IL12RB1: variants seen among roughly 807,000 people sequenced by gnomAD.
IL12RB1 encodes the protein interleukin-12 receptor subunit beta-1.
In IL12RB1, 64 loss-of-function variants were observed where a neutral mutation model predicts 94.4. The observed-to-expected ratio is 0.68, with a 90% CI of 0.55 to 0.83. The LOEUF (loss-of-function observed/expected upper bound fraction) is 0.83. IL12RB1 is among the 40% of genes least tolerant of loss of function. IL12RB1 has a pLI of 0.00. For missense variants in IL12RB1, 814 were observed against 855.6 expected (o/e 0.95, Z 0.61); for synonymous variants, 362 against 355.5 (o/e 1.02, Z -0.21).
intron 7 of IL12RB1, among the ~76,000 whole-genome samples, chr19:18,074,739 C>G (rs1470520838): frequency 6.6e-6 from 1 of 151,398 alleles, no homozygotes; most frequent in Non-Finnish European, 1.5e-5. Flanking sequence ...CAGAGCAAGA[C>G]AGTCTCAAAA....
At chr19:18,098,193 AAT>A (rs2037165262) in intron 1 of IL12RB1, among the ~76,000 whole-genome samples, 1 of 152,198 alleles carries the variant, frequency 6.6e-6, no homozygotes, top group Non-Finnish European at 1.5e-5. Flanking sequence ...GCGATGTATT[AAT>A]ATGAGTTCAT....
chr19:18,089,574 G>A (rs1011912444), upstream of IL12RB1, among the ~76,000 whole-genome samples: 2 of 149,630 alleles, frequency 1.3e-5, no homozygotes, highest in African/African-American at 2.5e-5. Context: ...GCAGTGAGCC[G>A]AGATCACACC....
chr19:18,097,958 C>A, intron 1 of IL12RB1: 1 of 724,220 alleles, frequency 1.4e-6, no homozygotes, highest in Non-Finnish European at 1.9e-6. Flanking sequence ...GGGGAACGCT[C>A]AGATCGCTTC....
intron 9 of IL12RB1, among the ~76,000 whole-genome samples, chr19:18,069,926 T>A (rs2034899461): frequency 1.3e-5 from 2 of 151,972 alleles, no homozygotes; most frequent in Admixed American, 6.6e-5. Context: ...TTTTTTGTTT[T>A]TTCTTTGGAG....
chr19:18,063,585 G>A (rs1485158002), intron 13 of IL12RB1, among the ~76,000 whole-genome samples: 2 of 152,158 alleles, frequency 1.3e-5, no homozygotes, highest in Non-Finnish European at 2.9e-5. Context: ...AAGTCTTGCT[G>A]GAGGAGGGAA....
chr19:18,098,850 A>G (rs2037275912), exon 1 of IL12RB1: 2 of 455,398 alleles, frequency 4.4e-6, no homozygotes, highest in East Asian at 7.0e-5. Context: ...AGAAACCCCA[A>G]CCTGTTGGGG....
intron 1 of IL12RB1, among the ~76,000 whole-genome samples, chr19:18,093,225 G>C (rs1330216914): frequency 6.6e-6 from 1 of 151,906 alleles, no homozygotes; most frequent in African/African-American, 2.4e-5. Flanking sequence ...AGAATTGCTT[G>C]AATCCAGGAG....
At chr19:18,068,802 G>A (rs2034794414) in intron 10 of IL12RB1, among the ~76,000 whole-genome samples, 1 of 148,608 alleles carries the variant, frequency 6.7e-6, no homozygotes, top group Admixed American at 6.8e-5. Flanking sequence ...AGGCTGGAGT[G>A]CAATAGCGCA....
At chr19:18,096,033 G>A (rs551102586) in intron 1 of IL12RB1, among the ~76,000 whole-genome samples, 23 of 152,186 alleles carry the variant, frequency 1.5e-4, no homozygotes, top group Non-Finnish European at 4.4e-5. Flanking sequence ...AGACCAGCGC[G>A]GGAAACATGG....
chr19:18,089,888 G>A (rs979485416), upstream of IL12RB1, among the ~76,000 whole-genome samples: 1 of 152,198 alleles, frequency 6.6e-6, no homozygotes, highest in South Asian at 2.1e-4. Flanking sequence ...TGAGGTCAGT[G>A]AGTTAGGGAC....
intron 1 of IL12RB1, among the ~76,000 whole-genome samples, chr19:18,098,325 C>A (rs1006087695): frequency 3.3e-5 from 5 of 151,962 alleles, no homozygotes; most frequent in African/African-American, 1.2e-4. Flanking sequence ...GAAACTGAGG[C>A]TCTAGTCCCG....
upstream of IL12RB1, among the ~76,000 whole-genome samples, chr19:18,089,277 G>A (rs1160100057): frequency 2.6e-5 from 4 of 152,030 alleles, no homozygotes; most frequent in Non-Finnish European, 4.4e-5. Flanking sequence ...AGATAGAGGT[G>A]GTGGTTGCAC....
rs148821398 is a variant in IL12RB1, at chr19:18,071,982, T to C, written c.1021+130A>G. ...GCCTGGCTGATTACTGAATTTTTGA[T>C]ACACCCCTAAATCAGGCACTCCTTT... On this transcript the variant is annotated intron_variant, in intron 9 of 16. Transcript: ENST00000593993. 86 of 704,698 alleles carry C rather than the reference T, an allele frequency of 1.2e-4. No individual in the cohort carries two copies. The East Asian group carries it at 2.2e-3, about 18-fold the overall frequency. 43.7% of individuals were successfully genotyped at this position (704,698 alleles called of 1,614,324 possible). A position where few individuals can be genotyped will look rare whatever the true frequency, so the allele number is the denominator to read the frequency against.
At chr19:18,085,994 T>A (rs2036304900) in intron 1 of IL12RB1, among the ~76,000 whole-genome samples, 2 of 151,498 alleles carry the variant, frequency 1.3e-5, no homozygotes, top group Admixed American at 6.6e-5. Context: ...GGTGAGTGGA[T>A]CATTTGAGCC....
At chr19:18,075,589 G>T (rs993895445) in intron 7 of IL12RB1, among the ~76,000 whole-genome samples, 160 bp downstream of exon 7, 4 of 151,958 alleles carry the variant, frequency 2.6e-5, no homozygotes, top group African/African-American at 9.7e-5. Context: ...TAGAGATGGG[G>T]TCTCACTATG....
intron 1 of IL12RB1, among the ~76,000 whole-genome samples, chr19:18,086,492 T>C (rs2036351646): frequency 6.6e-6 from 1 of 152,200 alleles, no homozygotes; most frequent in Admixed American, 6.5e-5. Flanking sequence ...ACATACTTGC[T>C]TTTTATTCCT....
intron 13 of IL12RB1, 88 bp from the exon 14 acceptor site, chr19:18,062,365 C>G: frequency 2.6e-6 from 2 of 766,694 alleles, no homozygotes; most frequent in East Asian, 2.6e-5. Flanking sequence ...TCTCCATGAA[C>G]TTGCTGCTGA....
chr19:18,095,775 T>C (rs2036857708), intron 1 of IL12RB1, among the ~76,000 whole-genome samples: 1 of 152,212 alleles, frequency 6.6e-6, no homozygotes, highest in African/African-American at 2.4e-5. Context: ...CATAACTTGA[T>C]GCAATTCTAC....
At chr19:18,064,115 G>C in intron 12 of IL12RB1, 105 bp from the exon 13 acceptor site, 1 of 629,232 alleles carries the variant, frequency 1.6e-6, no homozygotes. Flanking sequence ...TAGGCATTTT[G>C]CTAAAATCTC....
Sources: allele counts gnomAD v4.1 joint callset (sites outside exome capture counted in the v4.1 genomes callset), GRCh38; gene constraint gnomAD v4.1.1; transcripts MANE v1.5; gene names NCBI Gene and HGNC (gene_info 2026-07-23, HGNC 2026-07-21).